Variants in FSTL5 observed in about 807,000 individuals in gnomAD.
FSTL5 encodes follistatin like 5, also known as follistatin-related protein 5.
In FSTL5, 62 loss-of-function variants were observed where a neutral mutation model predicts 89.1. The observed-to-expected ratio is 0.70, with a 90% CI of 0.57 to 0.86. FSTL5 has a LOEUF of 0.86. Among genes scored for constraint, FSTL5 ranks in the 40% least tolerant of loss-of-function variants. FSTL5 has a pLI of 0.00. For synonymous variants in FSTL5, 383 were observed against 346.2 expected (o/e 1.11, Z -1.18); for missense variants, 1,057 against 1,001.6 (o/e 1.06, Z -0.75).
chr4:161,534,610 T>G (rs148104886), intron 10 of FSTL5, among the ~76,000 whole-genome samples: 234 of 152,274 alleles, frequency 1.5e-3, no homozygotes, highest in African/African-American at 5.4e-3. Context: ...TTCATGCTCA[T>G]GTACTGGAAG....
chr4:161,505,308 A>C (rs1730438739), intron 11 of FSTL5, among the ~76,000 whole-genome samples: 1 of 151,312 alleles, frequency 6.6e-6, no homozygotes, highest in African/African-American at 2.4e-5. Flanking sequence ...TTGTACACAG[A>C]GCAAAATCAT....
chr4:161,944,347 T>C (rs1734677526), intron 3 of FSTL5, among the ~76,000 whole-genome samples: 1 of 152,118 alleles, frequency 6.6e-6, no homozygotes, highest in African/African-American at 2.4e-5. Context: ...AAAAATCTAT[T>C]TTACATTTAT....
intron 3 of FSTL5, 86 bp from the exon 4 acceptor site, chr4:161,920,738 T>C: frequency 7.5e-7 from 1 of 1,334,996 alleles, no homozygotes. Context: ...GGAAAACAAG[T>C]GTTCTAAGAA....
At chr4:161,655,985 G>A (rs544165705) in intron 7 of FSTL5, among the ~76,000 whole-genome samples, 7 of 152,018 alleles carry the variant, frequency 4.6e-5, no homozygotes, top group East Asian at 3.9e-4. Context: ...ACTTGAACAC[G>A]CATATAGGCA....
intron 7 of FSTL5, among the ~76,000 whole-genome samples, chr4:161,609,525 AGAT>A: frequency 6.6e-6 from 1 of 152,302 alleles, no homozygotes; most frequent in East Asian, 1.9e-4. Context: ...TTTTATTTAG[AGAT>A]GATTATCAAA....
At chr4:161,828,559 G>A (rs1730740300) in intron 4 of FSTL5, among the ~76,000 whole-genome samples, 1 of 152,038 alleles carries the variant, frequency 6.6e-6, no homozygotes, top group Admixed American at 6.6e-5. Context: ...TGTTATACTT[G>A]GGAAGAGCTA....
chr4:161,807,160 G>T (rs1424993339), intron 4 of FSTL5, among the ~76,000 whole-genome samples: 1 of 150,292 alleles, frequency 6.7e-6, no homozygotes, highest in Non-Finnish European at 1.5e-5. Flanking sequence ...ATAAATCAAG[G>T]CCATCTACTA....
chr4:162,031,621 T>C (rs893376382), intron 3 of FSTL5, among the ~76,000 whole-genome samples: 5 of 152,122 alleles, frequency 3.3e-5, no homozygotes, highest in African/African-American at 7.2e-5. Context: ...CATGTAAACA[T>C]GTATCTCTGA....
intron 10 of FSTL5, among the ~76,000 whole-genome samples, chr4:161,519,952 T>C (rs115805330): frequency 9.3e-4 from 142 of 152,234 alleles, no homozygotes; most frequent in African/African-American, 3.3e-3. Context: ...CATAATCAGT[T>C]GTTCAATAGA....
intron 7 of FSTL5, among the ~76,000 whole-genome samples, chr4:161,598,974 T>A (rs1242413486): frequency 6.6e-6 from 1 of 152,094 alleles, no homozygotes; most frequent in Non-Finnish European, 1.5e-5. Flanking sequence ...GAAATCATTT[T>A]AAAAGTAATT....
chr4:161,392,421 C>T (rs1318908242), intron 15 of FSTL5, among the ~76,000 whole-genome samples: 2 of 151,918 alleles, frequency 1.3e-5, no homozygotes, highest in Non-Finnish European at 2.9e-5. Flanking sequence ...AGATGGGTCT[C>T]GCTGTGCTGC....
intron 13 of FSTL5, among the ~76,000 whole-genome samples, chr4:161,480,159 T>C (rs1729446519): frequency 6.6e-6 from 1 of 152,188 alleles, no homozygotes; most frequent in African/African-American, 2.4e-5. Flanking sequence ...GAAATTTTGA[T>C]AGGAAACGGG....
intron 7 of FSTL5, among the ~76,000 whole-genome samples, chr4:161,620,591 G>A (rs564977979): frequency 4.3e-4 from 66 of 152,276 alleles, no homozygotes; most frequent in Non-Finnish European, 1.8e-4. Context: ...GAAGGGTGGA[G>A]GTTGAGATGA....
intron 4 of FSTL5, among the ~76,000 whole-genome samples, chr4:161,916,997 G>A (rs549361410): frequency 2.6e-4 from 40 of 152,248 alleles, no homozygotes; most frequent in African/African-American, 7.2e-4. Flanking sequence ...ACCCAGGCTA[G>A]AGTGCAGTGA....
chr4:161,416,844 C>CAA (rs532290897), intron 15 of FSTL5, among the ~76,000 whole-genome samples: 31 of 71,080 alleles, frequency 4.4e-4, no homozygotes, highest in East Asian at 1.3e-3. Context: ...GACTCCATCT[C>CAA]AAAAAAAAAA....
At position 161,945,015 on chromosome 4, in the gene FSTL5, A is replaced by G. The variant is rs976428305; in HGVS notation, c.161-24363T>C. On this transcript the variant is annotated intron_variant, in intron 3 of 15. Transcript: ENST00000306100. ...AGGATTGCATAATCTCAGAAAATACATGACAGCAGAAGATTCATACAGTAA... is the reference window on the plus strand; with the variant it reads ...AGGATTGCATAATCTCAGAAAATACGTGACAGCAGAAGATTCATACAGTAA... Among the ~76,000 whole-genome samples, 3 of 152,224 alleles carry G rather than the reference A, an allele frequency of 2.0e-5. 1 individual carries two copies. The highest frequency in any genetic ancestry group is 3.9e-4 in the East Asian group (2 of 5,174).
intron 7 of FSTL5, among the ~76,000 whole-genome samples, chr4:161,598,513 T>C (rs181824338): frequency 7.3e-4 from 111 of 152,222 alleles, no homozygotes; most frequent in African/African-American, 2.2e-3. Flanking sequence ...ACAAAGATGA[T>C]TTGCCTCTAT....
At chr4:161,864,046 T>C (rs1732002680) in intron 4 of FSTL5, among the ~76,000 whole-genome samples, 5 of 152,232 alleles carry the variant, frequency 3.3e-5, no homozygotes, top group Admixed American at 3.3e-4. Flanking sequence ...AGTGTCAACT[T>C]TTGTTTCTTC....
At chr4:161,507,529 T>G (rs1285883152) in intron 11 of FSTL5, among the ~76,000 whole-genome samples, 1 of 151,864 alleles carries the variant, frequency 6.6e-6, no homozygotes, top group African/African-American at 2.4e-5. Flanking sequence ...TATTCATCTA[T>G]GAATTTCCAA....
Sources: allele counts gnomAD v4.1 joint callset (sites outside exome capture counted in the v4.1 genomes callset), GRCh38; gene constraint gnomAD v4.1.1; transcripts MANE v1.5; gene names NCBI Gene and HGNC (gene_info 2026-07-23, HGNC 2026-07-21).